ST18: variants seen among roughly 807,000 people sequenced by gnomAD.
ST18 encodes the protein suppression of tumorigenicity 18 protein.
In ST18, 50 loss-of-function variants were observed where a neutral mutation model predicts 110.0. The ratio of observed to expected loss-of-function variants is 0.45; its 90% CI spans 0.36 to 0.58. ST18 has a LOEUF of 0.58. ST18 is among the 20% of genes least tolerant of loss of function. ST18 has a pLI of 0.00. For missense variants in ST18, 1,306 were observed against 1,280.1 expected, an observed-to-expected ratio of 1.02 and a Z score of -0.31; for synonymous variants, 461 against 452.4, an observed-to-expected ratio of 1.02 and a Z score of -0.24.
chr8:52,197,643 A>T (rs2076577349), intron 8 of ST18, among the ~76,000 whole-genome samples: 1 of 152,168 alleles, frequency 6.6e-6, no homozygotes, highest in African/African-American at 2.4e-5. Flanking sequence ...TAGAAATCTG[A>T]AGAAGGAAAG....
At chr8:52,361,904 AT>A (rs58516781) in intron 2 of ST18, among the ~76,000 whole-genome samples, 88 of 150,998 alleles carry the variant, frequency 5.8e-4, no homozygotes, top group African/African-American at 1.2e-3. Context: ...TTCACACTTT[AT>A]TTTTTTTTCT....
intron 2 of ST18, among the ~76,000 whole-genome samples, chr8:52,289,411 C>T (rs1326880650): frequency 6.6e-6 from 1 of 152,128 alleles, no homozygotes; most frequent in African/African-American, 2.4e-5. Flanking sequence ...AGTGATTGCG[C>T]CACTGCACTC....
At chr8:52,370,013 A>G (rs1441445340) in intron 2 of ST18, among the ~76,000 whole-genome samples, 2 of 152,224 alleles carry the variant, frequency 1.3e-5, no homozygotes, top group African/African-American at 2.4e-5. Context: ...GATGCCATTC[A>G]CAGAGCGTGG....
At chr8:52,368,529 T>A (rs1829037269) in intron 2 of ST18, among the ~76,000 whole-genome samples, 1 of 152,178 alleles carries the variant, frequency 6.6e-6, no homozygotes, top group South Asian at 2.1e-4. Flanking sequence ...TGATATTAAC[T>A]AAAGGACATC....
chr8:52,356,622 G>T (rs1822860775), intron 2 of ST18, among the ~76,000 whole-genome samples: 1 of 152,124 alleles, frequency 6.6e-6, no homozygotes, highest in Non-Finnish European at 1.5e-5. Context: ...AGAGAAATCA[G>T]TAGATTATGG....
rs2051288189 is a variant in ST18, at chr8:52,134,767, T to A, written c.2301-1466A>T. 2.0e-5 allele frequency among the ~76,000 whole-genome samples: 3 copies of A among 152,226 alleles called. No homozygotes were observed. The South Asian group carries it at 6.2e-4, about 31-fold the overall frequency. On this transcript the variant is annotated intron_variant, in intron 19 of 25. Transcript: ENST00000689386. ...GCTGGTCTTTTTCTATTAACATTTT[T>A]TAGTAAAAAAGTGGTTTTATAGCAT...
rs150058399 is a variant in ST18 at position 52,147,429 on chromosome 8, C to G, written c.2052+2303G>C. On this transcript the variant is annotated intron_variant, in intron 16 of 25. Transcript: ENST00000689386. ...ATCTGAAGAGTGCAATGTTGACATCCTTGCTGAGGGCACAAAAGTATAATC... is the reference window on the plus strand; with the variant it reads ...ATCTGAAGAGTGCAATGTTGACATCGTTGCTGAGGGCACAAAAGTATAATC... Among the ~76,000 whole-genome samples, 807 of 152,150 alleles carry G rather than the reference C, an allele frequency of 5.3e-3. 9 individuals carry two copies. The highest frequency in any genetic ancestry group is 0.018 in the African/African-American group (735 of 41,508).
intron 2 of ST18, among the ~76,000 whole-genome samples, chr8:52,367,476 T>C (rs572558952): frequency 6.6e-6 from 1 of 152,258 alleles, no homozygotes; most frequent in African/African-American, 2.4e-5. Flanking sequence ...GGATAAATAC[T>C]AAGAAATTGG....
intron 6 of ST18, among the ~76,000 whole-genome samples, chr8:52,215,293 C>T (rs1362200602): frequency 6.6e-6 from 1 of 151,988 alleles, no homozygotes; most frequent in Non-Finnish European, 1.5e-5. Flanking sequence ...TTTAATAAAC[C>T]TTTTATGTGC....
At chr8:52,377,877 A>C (rs1158862815) in intron 2 of ST18, among the ~76,000 whole-genome samples, 2 of 152,234 alleles carry the variant, frequency 1.3e-5, no homozygotes, top group Non-Finnish European at 2.9e-5. Flanking sequence ...ATGGATAAAG[A>C]AAATGTGGTA....
intron 16 of ST18, among the ~76,000 whole-genome samples, chr8:52,149,462 A>C (rs1456132712): frequency 6.6e-6 from 1 of 152,262 alleles, no homozygotes; most frequent in Non-Finnish European, 1.5e-5. Flanking sequence ...GATAGATAAT[A>C]TAATCTCTTG....
At chr8:52,320,480 T>A (rs1281059978) in intron 2 of ST18, among the ~76,000 whole-genome samples, 2 of 152,206 alleles carry the variant, frequency 1.3e-5, no homozygotes, top group East Asian at 3.8e-4. Flanking sequence ...CAAGGAATTC[T>A]TTTTCAGTAT....
At chr8:52,209,720 A>T (rs572517425) in intron 8 of ST18, among the ~76,000 whole-genome samples, 52 of 146,880 alleles carry the variant, frequency 3.5e-4, no homozygotes, top group African/African-American at 1.3e-3. Flanking sequence ...CAGTGAACCG[A>T]GATCGTGCCA....
At chr8:52,398,535 G>A (rs776892323) in intron 2 of ST18, among the ~76,000 whole-genome samples, 16 of 152,154 alleles carry the variant, frequency 1.1e-4, no homozygotes, top group Non-Finnish European at 1.9e-4. Context: ...TGATCATGAC[G>A]TTAGCTGTGG....
At chr8:52,322,832 C>T (rs1301220816) in intron 2 of ST18, among the ~76,000 whole-genome samples, 2 of 152,216 alleles carry the variant, frequency 1.3e-5, no homozygotes, top group African/African-American at 4.8e-5. Flanking sequence ...AAATACCACA[C>T]TCAAGAGTTC....
intron 2 of ST18, among the ~76,000 whole-genome samples, chr8:52,361,884 G>T (rs543895723): frequency 6.6e-6 from 1 of 151,038 alleles, no homozygotes; most frequent in African/African-American, 2.5e-5. Context: ...AATTCAAAGC[G>T]TTTGTTGATT....
chr8:52,349,645 T>C (rs551939835), intron 2 of ST18, among the ~76,000 whole-genome samples: 9 of 152,316 alleles, frequency 5.9e-5, no homozygotes, highest in Admixed American at 2.6e-4. Context: ...ATCTGACTTA[T>C]AGGGTACAAA....
At chr8:52,278,315 T>C (rs1265444899) in intron 2 of ST18, among the ~76,000 whole-genome samples, 1 of 152,202 alleles carries the variant, frequency 6.6e-6, no homozygotes, top group Non-Finnish European at 1.5e-5. Context: ...GTCAATGGTG[T>C]AAAAATAAAA....
At chr8:52,284,261 C>T (rs1403464264) in intron 2 of ST18, among the ~76,000 whole-genome samples, 2 of 152,106 alleles carry the variant, frequency 1.3e-5, no homozygotes, top group African/African-American at 4.8e-5. Context: ...AGGCAGTGTG[C>T]TCAAAAGGGA....
Sources: gnomAD v4.1 joint callset for allele counts (sites outside exome capture counted in the v4.1 genomes callset) on GRCh38, gnomAD v4.1.1 for gene constraint, MANE v1.5 for transcripts, NCBI Gene and HGNC (gene_info 2026-07-23, HGNC 2026-07-21) for gene names.